The following PABIR3 variants were observed in gnomAD, a reference collection of about 807,000 sequenced individuals.
PABIR3 encodes PABIR family member 3, also known as PABIR family member 1.
A neutral mutation model predicts 23.1 loss-of-function variants in PABIR3; 20 were observed. The ratio of observed to expected loss-of-function variants is 0.86; its 90% CI spans 0.61 to 1.26. The LOEUF (loss-of-function observed/expected upper bound fraction) is 1.26, where lower values mean the gene tolerates loss of function less well. Ranked by LOEUF, PABIR3 falls within the 50% of genes most tolerant of loss-of-function variation. The probability of loss-of-function intolerance (pLI) is 0.00; values close to 1 mark genes in which losing one functional copy is unlikely to be tolerated. For missense variants in PABIR3, 189 were observed against 195.4 expected (o/e 0.97, Z 0.20); for synonymous variants, 69 against 68.5 (o/e 1.01, Z -0.04).
intron 3 of PABIR3, among the ~76,000 whole-genome samples, chrX:134,816,189 G>A (rs929496259): frequency 8.9e-6 from 1 of 112,410 alleles, no homozygotes; most frequent in African/African-American, 3.2e-5. Flanking sequence ...TTTTCTTGTG[G>A]TATCTTTTGC....
At chrX:134,833,462 T>C (rs2081877071) in intron 4 of PABIR3, among the ~76,000 whole-genome samples, 1 of 112,293 alleles carries the variant, frequency 8.9e-6, no homozygotes. Flanking sequence ...TAAAAATGCA[T>C]TTTTTAACTG....
chrX:134,807,396 A>G, intron 1 of PABIR3, 55 bp downstream of exon 1: 1 of 1,000,114 alleles, frequency 1.0e-6, no homozygotes, highest in South Asian at 4.0e-5. Flanking sequence ...GGCGGTTCGG[A>G]GCCAGTTCTG....
intron 3 of PABIR3, 67 bp from the exon 4 acceptor site, chrX:134,829,159 C>A: frequency 2.2e-6 from 2 of 899,420 alleles, no homozygotes; most frequent in South Asian, 2.1e-5. Flanking sequence ...TCAACATTGA[C>A]TTAATGTTGA....
intron 2 of PABIR3, among the ~76,000 whole-genome samples, chrX:134,813,636 A>G (rs1299625430): frequency 9.0e-6 from 1 of 111,563 alleles, no homozygotes; most frequent in African/African-American, 3.3e-5. Flanking sequence ...TTATAATAAA[A>G]AGGAAAAGAT....
intron 9 of PABIR3, among the ~76,000 whole-genome samples, chrX:134,850,192 G>A (rs1569462747): frequency 9.1e-6 from 1 of 110,227 alleles, no homozygotes; most frequent in South Asian, 3.9e-4. Context: ...TGACTACAAT[G>A]GGGAGGGGAA....
chrX:134,814,751 G>GT lies in PABIR3; in HGVS notation c.111-15dup. ...TTGTAATGGATTTTATATAACACATGTTTTTGTTTTTCTTTTTAGTTTTAA... is the reference window on the plus strand; with the variant it reads ...TTGTAATGGATTTTATATAACACATGTTTTTTGTTTTTCTTTTTAGTTTTAA... On this transcript the variant is annotated intron_variant, in intron 2 of 10. Coordinates refer to ENST00000645433, the MANE Select transcript of PABIR3 (RefSeq NM_001388447.1). The GT allele has an allele frequency of 9.3e-7, 1 of 1,076,035 alleles. No individual in the cohort carries two copies. The highest frequency in any genetic ancestry group is 1.9e-5 in the African/African-American group (1 of 53,596). 88.7% of individuals were successfully genotyped at this position (1,076,035 alleles called of 1,213,427 possible).
upstream of PABIR3, chrX:134,804,355 T>C (rs2080142040): frequency 6.8e-6 from 4 of 590,887 alleles, no homozygotes; most frequent in Non-Finnish European, 1.0e-5. Flanking sequence ...GTATTACTTG[T>C]TCCTTTTGAT....
rs1466733144 is a variant in PABIR3, at chrX:134,828,047, C to CTCTCTA, written c.190-1178_190-1177insCTCTAT. On this transcript the variant is annotated intron_variant, in intron 3 of 10. Coordinates refer to ENST00000645433, the MANE Select transcript of PABIR3 (RefSeq NM_001388447.1). ...TCTCTCTCTCTCTCTCTCTCTCTCT[C>CTCTCTA]TATATATATATATATATATATATGT... 4.5e-3 allele frequency among the ~76,000 whole-genome samples: 224 copies of CTCTCTA among 49,393 alleles called. 2 individuals carry two copies. Among genetic ancestry groups the CTCTCTA allele is most frequent in the African/African-American group, 6.4e-3 (78 of 12,135 alleles). 42.9% of individuals were successfully genotyped at this position (49,393 alleles called of 115,157 possible). A position where few individuals can be genotyped will look rare whatever the true frequency, so the allele number is the denominator to read the frequency against.
intron 3 of PABIR3, among the ~76,000 whole-genome samples, chrX:134,818,947 T>C (rs1476575291): frequency 3.9e-5 from 4 of 102,640 alleles, no homozygotes; most frequent in African/African-American, 7.1e-5. Context: ...TTTTTTTTTT[T>C]TTTTTTTTTT....
intron 4 of PABIR3, among the ~76,000 whole-genome samples, chrX:134,829,809 CAT>C (rs2081684289): frequency 1.8e-5 from 2 of 111,790 alleles, no homozygotes; most frequent in African/African-American, 3.2e-5. Flanking sequence ...GGTGTGCACT[CAT>C]GTGCACATGC....
chrX:134,833,749 G>A lies in PABIR3; in HGVS notation c.246+4467G>A, dbSNP rs541728686. Among the ~76,000 whole-genome samples, 7 of 110,601 alleles carry A rather than the reference G, an allele frequency of 6.3e-5. No individual in the cohort carries two copies. The South Asian group carries it at 2.7e-3, about 43-fold the overall frequency. On this transcript the variant is annotated intron_variant, in intron 4 of 10. Coordinates refer to ENST00000645433, the MANE Select transcript of PABIR3 (RefSeq NM_001388447.1). Reference sequence around the variant, plus strand: ...GTTCTCATTGTTCAACTCCCACTTAGGAGTGAGGACATGCATTGTTTGGTT... The same window carrying A: ...GTTCTCATTGTTCAACTCCCACTTAAGAGTGAGGACATGCATTGTTTGGTT...
intron 9 of PABIR3, among the ~76,000 whole-genome samples, chrX:134,852,341 G>T (rs2082664657): frequency 9.0e-6 from 1 of 110,927 alleles, no homozygotes; most frequent in African/African-American, 3.3e-5. Context: ...TGGGCATGGT[G>T]GTTTGCACCT....
At chrX:134,811,400 CTT>C (rs771991631) in intron 2 of PABIR3, among the ~76,000 whole-genome samples, 2 of 100,496 alleles carry the variant, frequency 2.0e-5, no homozygotes, top group Admixed American at 1.1e-4. Context: ...TGCCTCAATT[CTT>C]TTTTTTTTTT....
rs61129426 is a variant in PABIR3 at position 134,828,047 on chromosome X, CTATA to C, written c.190-1159_190-1156del. Among the ~76,000 whole-genome samples the C allele has an allele frequency of 8.2e-3, 406 of 49,387 alleles. 3 individuals carry two copies. The highest frequency in any genetic ancestry group is 0.028 in the African/African-American group (337 of 12,130). 42.9% of individuals were successfully genotyped at this position (49,387 alleles called of 115,157 possible). A position where few individuals can be genotyped will look rare whatever the true frequency, so the allele number is the denominator to read the frequency against. On this transcript the variant is annotated intron_variant, in intron 3 of 10. Coordinates refer to ENST00000645433, the MANE Select transcript of PABIR3 (RefSeq NM_001388447.1). Reference sequence around the variant, plus strand: ...TCTCTCTCTCTCTCTCTCTCTCTCTCTATATATATATATATATATATATGTATAT... The same window carrying C: ...TCTCTCTCTCTCTCTCTCTCTCTCTCTATATATATATATATATATGTATAT...
intron 3 of PABIR3, chrX:134,822,599 G>T (rs2081339121): frequency 1.3e-6 from 1 of 747,657 alleles, no homozygotes; most frequent in South Asian, 6.8e-5. Flanking sequence ...AACCTAAATT[G>T]GTTCCTTCCC....
rs747182787 is a variant in PABIR3 at position 134,839,922 on chromosome X, G to C, written c.247-5283G>C. Reference sequence around the variant, plus strand: ...ATGGCGGTTTTGTGGAATAGAAAGGGGGGAAAGGTGGGGAAAAGATTGAGA... The same window carrying C: ...ATGGCGGTTTTGTGGAATAGAAAGGCGGGAAAGGTGGGGAAAAGATTGAGA... On this transcript the variant is annotated intron_variant, in intron 4 of 10. Coordinates refer to ENST00000645433, the MANE Select transcript of PABIR3 (RefSeq NM_001388447.1). 3.3e-4 allele frequency among the ~76,000 whole-genome samples: 37 copies of C among 112,839 alleles called. No individual in the cohort carries two copies. The South Asian group carries it at 0.013, about 39-fold the overall frequency.
chrX:134,829,167 T>G, intron 3 of PABIR3, 59 bp from the exon 4 acceptor site: 3 of 961,029 alleles, frequency 3.1e-6, no homozygotes, highest in African/African-American at 1.9e-5. Flanking sequence ...GACTTAATGT[T>G]GAGATGTAAT....
chrX:134,827,077 C>T (rs983209132), intron 3 of PABIR3, among the ~76,000 whole-genome samples: 1 of 111,586 alleles, frequency 9.0e-6, no homozygotes, highest in Non-Finnish European at 1.9e-5. Flanking sequence ...TCTTCTGCCT[C>T]AGCCTCCTGA....
chrX:134,845,053 C>A, intron 4 of PABIR3, 152 bp from the exon 5 acceptor site: 2 of 479,926 alleles, frequency 4.2e-6, no homozygotes, highest in East Asian at 3.6e-5. Context: ...CAATAAAGGG[C>A]AGAGAACCAG....
Sources: allele counts gnomAD v4.1 joint callset (sites outside exome capture counted in the v4.1 genomes callset), GRCh38; gene constraint gnomAD v4.1.1; transcripts MANE v1.5; gene names NCBI Gene and HGNC (gene_info 2026-07-23, HGNC 2026-07-21).